Variants in C10orf143 observed in about 807,000 individuals in gnomAD.
C10orf143 encodes the protein chromosome 10 open reading frame 143, also known as uncharacterized protein C10orf143.
intron 1 of C10orf143, among the ~76,000 whole-genome samples, chr10:130,103,215 T>G (rs553026835): frequency 1.3e-5 from 2 of 152,290 alleles, no homozygotes; most frequent in African/African-American, 4.8e-5. Context: ...TGACCTCAAG[T>G]GATCTGCCTG....
intron 3 of C10orf143, among the ~76,000 whole-genome samples, chr10:130,042,463 C>T (rs761154612): frequency 6.6e-6 from 1 of 152,236 alleles, no homozygotes; most frequent in South Asian, 2.1e-4. Context: ...TTTTCTCAAA[C>T]GGTCTCAGTC....
At position 130,106,636 on chromosome 10, in the gene C10orf143, T is replaced by A. The variant is rs1391967774; in HGVS notation, c.69+4068A>T. On this transcript the variant is annotated intron_variant, in intron 1 of 3. Transcript: ENST00000637128. ...AAGCCAAAATGATCTTCAAGAGATTTAAAATGACTGAGAAACAACTGAAGA... is the reference window on the plus strand; with the variant it reads ...AAGCCAAAATGATCTTCAAGAGATTAAAAATGACTGAGAAACAACTGAAGA... 7.0e-6 allele frequency: 9 copies of A among 1,294,234 alleles called. No individual in the cohort carries two copies. In the Middle Eastern group the frequency reaches 9.3e-4, roughly 134 times the overall value. The allele number at this position is 1,294,234 out of a possible 1,614,324, so 80.2% of individuals were successfully genotyped here.
chr10:130,095,058 C>G (rs2134795568), intron 1 of C10orf143, among the ~76,000 whole-genome samples: 1 of 152,232 alleles, frequency 6.6e-6, no homozygotes, highest in South Asian at 2.1e-4. Context: ...GTGCAAAACT[C>G]AAAAACATTC....
At chr10:130,047,089 G>A (rs761166042) in intron 3 of C10orf143, among the ~76,000 whole-genome samples, 1 of 152,208 alleles carries the variant, frequency 6.6e-6, no homozygotes, top group Non-Finnish European at 1.5e-5. Flanking sequence ...GTCACATCAC[G>A]GCACTGAGGT....
downstream of C10orf143, among the ~76,000 whole-genome samples, chr10:130,062,973 C>T (rs765828419): frequency 5.5e-5 from 8 of 146,642 alleles, no homozygotes; most frequent in Non-Finnish European, 1.1e-4. Context: ...CCAAGGGCAA[C>T]CTCCCCACCA....
chr10:130,039,342 A>G (rs1860580692), intron 3 of C10orf143, among the ~76,000 whole-genome samples: 1 of 152,168 alleles, frequency 6.6e-6, no homozygotes, highest in Non-Finnish European at 1.5e-5. Flanking sequence ...TTTCCAGTCC[A>G]AGCCCAAAGG....
intron 3 of C10orf143, chr10:130,067,325 G>A (rs1321878176): frequency 6.6e-6 from 1 of 152,192 alleles, no homozygotes; most frequent in African/African-American, 2.4e-5. Flanking sequence ...CTCCATCTGG[G>A]ACCATTACGT....
chr10:130,054,425 G>C (rs1305832452), intron 3 of C10orf143, among the ~76,000 whole-genome samples: 1 of 152,206 alleles, frequency 6.6e-6, no homozygotes, highest in Non-Finnish European at 1.5e-5. Flanking sequence ...CTGTCTTTGA[G>C]TGGGCATGCA....
In C10orf143 at chr10:130,075,744, G is replaced by A. The variant is rs143971435; in HGVS notation, c.297+3822C>T. Among the ~76,000 whole-genome samples, 196 of 152,266 alleles carry A rather than the reference G, an allele frequency of 1.3e-3. 2 individuals are homozygous for A. The highest frequency in any genetic ancestry group is 4.5e-3 in the African/African-American group (188 of 41,562). On this transcript the variant is annotated intron_variant, in intron 3 of 3. Transcript: ENST00000637128. ...TGTTCTCGTGATAGTGAGTTCTCAT[G>A]AGATCTGGTTGTTTGAAAGTGCATA... is the stretch of plus-strand genomic sequence containing the variant.
At chr10:130,074,561 C>T (rs542656801) in intron 3 of C10orf143, among the ~76,000 whole-genome samples, 34 of 152,232 alleles carry the variant, frequency 2.2e-4, no homozygotes, top group African/African-American at 6.7e-4. Context: ...GCTTGACACT[C>T]GGACCCGCCC....
At chr10:130,044,961 G>A (rs1860650544) in intron 3 of C10orf143, among the ~76,000 whole-genome samples, 1 of 152,178 alleles carries the variant, frequency 6.6e-6, no homozygotes, top group South Asian at 2.1e-4. Context: ...TGGAGCTCAG[G>A]TCTACCGGCC....
intron 1 of C10orf143, among the ~76,000 whole-genome samples, chr10:130,105,708 C>T (rs2134817731): frequency 6.6e-6 from 1 of 152,270 alleles, no homozygotes; most frequent in East Asian, 1.9e-4. Context: ...CCGGCCTGGG[C>T]GACAAGAGTG....
chr10:130,080,782 T>A (rs1443003490), intron 1 of C10orf143, among the ~76,000 whole-genome samples: 1 of 152,228 alleles, frequency 6.6e-6, no homozygotes, highest in Non-Finnish European at 1.5e-5. Context: ...TTTAATATAT[T>A]ATTAATGGAC....
intron 3 of C10orf143, among the ~76,000 whole-genome samples, chr10:130,041,832 CAT>C (rs1491514700): frequency 0.012 from 1,846 of 151,856 alleles, 85 homozygotes; most frequent in Admixed American, 0.085. Flanking sequence ...CACACACACA[CAT>C]GCATGTACAC....
intron 3 of C10orf143, among the ~76,000 whole-genome samples, chr10:130,058,579 C>CA (rs1554945692): frequency 1.4e-5 from 1 of 72,858 alleles, no homozygotes; most frequent in Non-Finnish European, 3.0e-5. Context: ...TTTTAAACAG[C>CA]ATTTTTTTTT....
chr10:130,046,284 C>T (rs868812209), intron 3 of C10orf143, among the ~76,000 whole-genome samples: 2 of 151,966 alleles, frequency 1.3e-5, no homozygotes, highest in South Asian at 2.1e-4. Flanking sequence ...CAATGGGTGG[C>T]GCAGGGCGCA....
intron 3 of C10orf143, among the ~76,000 whole-genome samples, chr10:130,040,659 C>T (rs1860596455): frequency 6.6e-6 from 1 of 152,116 alleles, no homozygotes; most frequent in Non-Finnish European, 1.5e-5. Flanking sequence ...ATGGTGAAAT[C>T]CTGTCTCTAC....
chr10:130,055,759 C>A (rs1259768018), intron 3 of C10orf143, among the ~76,000 whole-genome samples: 2 of 151,838 alleles, frequency 1.3e-5, no homozygotes, highest in Admixed American at 6.6e-5. Flanking sequence ...GCCTGGCCAA[C>A]ATGGTGAAAC....
chr10:130,039,328 G>A (rs1860580483), intron 3 of C10orf143, among the ~76,000 whole-genome samples: 1 of 152,208 alleles, frequency 6.6e-6, no homozygotes, highest in East Asian at 1.9e-4. Context: ...ACCACCGGTG[G>A]TGCTTTCCAG....
Sources: allele counts gnomAD v4.1 joint callset (sites outside exome capture counted in the v4.1 genomes callset), GRCh38; gene constraint gnomAD v4.1.1; transcripts MANE v1.5; gene names NCBI Gene and HGNC (gene_info 2026-07-23, HGNC 2026-07-21).